EML1: variants seen among roughly 807,000 people sequenced by gnomAD.
EML1 encodes EMAP like 1.
EML1 carries 27 observed loss-of-function variants against 110.4 expected under a neutral mutation model. The ratio of observed to expected loss-of-function variants is 0.24; its 90% CI spans 0.18 to 0.34. EML1 has a LOEUF of 0.34. Ranked by LOEUF, EML1 falls within the 10% of genes least tolerant of loss-of-function variation. EML1 has a pLI of 1.00. For synonymous variants in EML1, 344 were observed against 385.8 expected (o/e 0.89, Z 1.27); for missense variants, 741 against 1,030.9 (o/e 0.72, Z 3.85).
intron 13 of EML1, among the ~76,000 whole-genome samples, chr14:99,912,133 C>T (rs186188907): frequency 2.3e-4 from 35 of 152,274 alleles, no homozygotes; most frequent in African/African-American, 8.4e-4. Flanking sequence ...CCTCCCACCT[C>T]AGCCTCCCAA....
chr14:99,795,140 A>G (rs2057746435), intron 1 of EML1, among the ~76,000 whole-genome samples: 1 of 152,190 alleles, frequency 6.6e-6, no homozygotes, highest in African/African-American at 2.4e-5. Flanking sequence ...GCGATATGAA[A>G]ATGAGCCTAG....
chr14:99,739,115 AGAGAGTGTGTGTGTGT>A (rs1167877790), intron 1 of EML1, among the ~76,000 whole-genome samples: 21 of 85,744 alleles, frequency 2.4e-4, no homozygotes, highest in African/African-American at 8.8e-4. Context: ...AGAGAGAGAG[AGAGAGTGTGTGTGTGT>A]GTGTGTGTGT....
At chr14:99,923,562 T>TTGAA (rs2060168289) in intron 17 of EML1, among the ~76,000 whole-genome samples, 1 of 152,266 alleles carries the variant, frequency 6.6e-6, no homozygotes, top group Admixed American at 6.5e-5. Flanking sequence ...TCTTTCCCTG[T>TTGAA]TGAATTATCA....
At chr14:99,766,302 C>A (rs2057368774) in intron 1 of EML1, among the ~76,000 whole-genome samples, 1 of 149,610 alleles carries the variant, frequency 6.7e-6, no homozygotes, top group South Asian at 2.1e-4. Flanking sequence ...TCAAGCAATT[C>A]TCCTGCCTCA....
intron 1 of EML1, among the ~76,000 whole-genome samples, chr14:99,820,214 TACATGGGA>T (rs1424917241): frequency 6.6e-6 from 1 of 152,252 alleles, no homozygotes; most frequent in East Asian, 1.9e-4. Flanking sequence ...GCTCTACCTA[TACATGGGA>T]GCAGGGGCTA....
intron 1 of EML1, among the ~76,000 whole-genome samples, chr14:99,776,414 G>C (rs2057483105): frequency 6.6e-6 from 1 of 151,850 alleles, no homozygotes; most frequent in African/African-American, 2.4e-5. Context: ...TGAGGTGGGA[G>C]AATCGCTTGA....
chr14:99,810,216 A>G (rs917182704), intron 1 of EML1, among the ~76,000 whole-genome samples: 1 of 152,230 alleles, frequency 6.6e-6, no homozygotes, highest in African/African-American at 2.4e-5. Context: ...CTACAGAGCC[A>G]GGCTGTACCA....
chr14:99,939,189 TG>T lies in EML1; in HGVS notation c.2192-7del. ...TTTCCAGCGCCCTGTTTGTGGTCTT[TG>T]TTTTAGGAGTGTGGCCAGAAGGCTC... On this transcript the variant is annotated splice_polypyrimidine_tract_variant and splice_region_variant and intron_variant, in intron 20 of 21. Coordinates refer to ENST00000262233, the MANE Select transcript of EML1 (RefSeq NM_004434.3). The surrounding 1 kb of genome is among the most constrained non-coding windows in gnomAD (Gnocchi z 4.2). The T allele has an allele frequency of 6.2e-7, 1 of 1,613,800 alleles. No homozygotes were observed. Among genetic ancestry groups the T allele is most frequent in the Non-Finnish European group, 8.5e-7 (1 of 1,179,830 alleles).
intron 1 of EML1, among the ~76,000 whole-genome samples, chr14:99,763,505 G>A (rs1011105646): frequency 1.3e-5 from 2 of 152,146 alleles, no homozygotes; most frequent in Non-Finnish European, 2.9e-5. Flanking sequence ...TGATAAGGTG[G>A]GGAGAGGCTA....
chr14:99,905,249 A>G lies in EML1; in HGVS notation c.1009-2389A>G, dbSNP rs368078826. Among the ~76,000 whole-genome samples the G allele has an allele frequency of 1.2e-4, 19 of 152,328 alleles. No homozygotes were observed. The highest frequency in any genetic ancestry group is 5.9e-4 in the Admixed American group (9 of 15,302). On this transcript the variant is annotated intron_variant, in intron 9 of 21. Coordinates refer to ENST00000262233, the MANE Select transcript of EML1 (RefSeq NM_004434.3). The surrounding 1 kb of genome is among the most constrained non-coding windows in gnomAD (Gnocchi z 4.1). ...GCAAAATATGTGTGACAAAACATAG[A>G]TATTAGCCATTCAGCTCAGCACCCA...
intron 3 of EML1, among the ~76,000 whole-genome samples, chr14:99,876,669 C>T (rs1006160089): frequency 1.3e-5 from 2 of 152,142 alleles, no homozygotes; most frequent in Non-Finnish European, 2.9e-5. Context: ...GTATTCTCAC[C>T]CACCCACACC....
intron 1 of EML1, among the ~76,000 whole-genome samples, chr14:99,767,512 G>T (rs575239366): frequency 1.3e-5 from 2 of 152,172 alleles, no homozygotes; most frequent in African/African-American, 4.8e-5. Flanking sequence ...TGAGGCAGGA[G>T]AATCGCTTGA....
chr14:99,854,485 G>A (rs2058867370), intron 2 of EML1, among the ~76,000 whole-genome samples: 1 of 152,198 alleles, frequency 6.6e-6, no homozygotes, highest in South Asian at 2.1e-4. Context: ...TAGAGAGGGA[G>A]CTGTCACTTG....
chr14:99,797,656 T>C (rs1290283524), intron 1 of EML1, among the ~76,000 whole-genome samples: 1 of 152,238 alleles, frequency 6.6e-6, no homozygotes, highest in African/African-American at 2.4e-5. Flanking sequence ...TGCATTTCCA[T>C]GAGTCCTTTG....
At chr14:99,820,427 C>T (rs2058242657) in intron 1 of EML1, among the ~76,000 whole-genome samples, 1 of 152,132 alleles carries the variant, frequency 6.6e-6, no homozygotes. Flanking sequence ...CAGCAGCTGG[C>T]CTCTTGCAAA....
chr14:99,753,994 C>T (rs915726484), intron 1 of EML1, among the ~76,000 whole-genome samples: 1 of 152,210 alleles, frequency 6.6e-6, no homozygotes, highest in African/African-American at 2.4e-5. Flanking sequence ...AAGGGCCCCC[C>T]ACCCCAGGTC....
At chr14:99,895,675 A>G (rs555383556) in intron 6 of EML1, among the ~76,000 whole-genome samples, 2 of 152,238 alleles carry the variant, frequency 1.3e-5, no homozygotes, top group African/African-American at 4.8e-5. Flanking sequence ...AAGGGATGAT[A>G]GAAAAATATG....
intron 3 of EML1, among the ~76,000 whole-genome samples, chr14:99,871,114 A>G (rs775034941): frequency 6.6e-6 from 1 of 151,950 alleles, no homozygotes; most frequent in Non-Finnish European, 1.5e-5. Flanking sequence ...ACACCACCAT[A>G]TCCAGCTAAT....
intron 1 of EML1, among the ~76,000 whole-genome samples, chr14:99,822,095 C>CA (rs2058273675): frequency 6.6e-6 from 1 of 152,160 alleles, no homozygotes; most frequent in Non-Finnish European, 1.5e-5. Flanking sequence ...TGCAGCCCTC[C>CA]AGGTGGTTGC....
Sources: allele counts gnomAD v4.1 joint callset (sites outside exome capture counted in the v4.1 genomes callset), GRCh38; gene constraint gnomAD v4.1.1; non-coding constraint Gnocchi (gnomAD v3.1); transcripts MANE v1.5; gene names NCBI Gene and HGNC (gene_info 2026-07-23, HGNC 2026-07-21).